HSD17B13: variants seen among roughly 807,000 people sequenced by gnomAD.
HSD17B13 encodes the protein hydroxysteroid 17-beta dehydrogenase 13.
Under a neutral mutation model 31.1 loss-of-function variants are expected in HSD17B13, and 26 were observed. The ratio of observed to expected loss-of-function variants is 0.84; its 90% CI spans 0.61 to 1.16. The LOEUF is 1.16. HSD17B13 is among the 50% of genes most tolerant of loss of function. The probability of loss-of-function intolerance (pLI) is 0.00; values close to 1 mark genes in which losing one functional copy is unlikely to be tolerated. For synonymous variants in HSD17B13, 141 were observed against 133.7 expected (o/e 1.05, Z -0.38); for missense variants, 374 against 366.5 (o/e 1.02, Z -0.17).
chr4:87,318,462 G>T (rs903867235), intron 1 of HSD17B13, 26 bp from the exon 2 acceptor site: 2 of 1,587,904 alleles, frequency 1.3e-6, no homozygotes, highest in African/African-American at 2.7e-5. Context: ...AACAAATTCC[G>T]AAAAAAGTGG....
chr4:87,308,479 C>G (rs966060382), intron 6 of HSD17B13, among the ~76,000 whole-genome samples: 1 of 95,564 alleles, frequency 1.0e-5, no homozygotes, highest in Non-Finnish European at 2.1e-5. Context: ...GAAACCCCGT[C>G]TCTACTAAAA....
chr4:87,311,784 GATT>G (rs1201020904), intron 5 of HSD17B13, among the ~76,000 whole-genome samples: 1 of 152,172 alleles, frequency 6.6e-6, no homozygotes, highest in East Asian at 1.9e-4. Context: ...GTTTGCTGCA[GATT>G]ATTATGTGAT....
At position 87,322,740 on chromosome 4, in the gene HSD17B13, C is replaced by T; in HGVS notation, c.102G>A (p.Val34=). 3 of 1,614,042 alleles carry T rather than the reference C, an allele frequency of 1.9e-6. No individual in the cohort carries two copies. Among genetic ancestry groups the T allele is most frequent in the Non-Finnish European group, 2.5e-6 (3 of 1,179,924 alleles). ...CAGTAATGAGAACAATCTCCCCAGC[C>T]ACAGATTTTCTCCTCTGAGGAATGA... is the stretch of plus-strand genomic sequence containing the variant. The part of the protein sequence containing the change: ...KFFIPQRRKS[V]AGEIVLITGA... The change falls in exon 1 of 7, where the codon GTG becomes GTA. Residue 34 remains valine (V), a synonymous_variant. Transcript: ENST00000328546.
chr4:87,320,706 T>A (rs746187813), intron 1 of HSD17B13, among the ~76,000 whole-genome samples: 1 of 152,160 alleles, frequency 6.6e-6, no homozygotes, highest in Non-Finnish European at 1.5e-5. Flanking sequence ...GTTTTATAAC[T>A]GAGCTAGACA....
At chr4:87,321,411 T>G (rs973942467) in intron 1 of HSD17B13, among the ~76,000 whole-genome samples, 1 of 152,190 alleles carries the variant, frequency 6.6e-6, no homozygotes, top group Non-Finnish European at 1.5e-5. Context: ...AAAAACTTAA[T>G]AAATATAGCC....
chr4:87,313,827 T>C lies in HSD17B13; in HGVS notation c.691A>G (p.Thr231Ala), dbSNP rs1392509189. The C allele has an allele frequency of 6.2e-7, 1 of 1,611,454 alleles. No individual in the cohort carries two copies. The highest frequency in any genetic ancestry group is 8.5e-7 in the Non-Finnish European group (1 of 1,178,862). ...VNTGFTKNPS[T>A]RLWPVLETDE... ...CTAACTTGATTTTGACCTTACCTTG[T>C]GCTTGGATTTTTGGTGAACCCAGTA... is the stretch of plus-strand genomic sequence containing the variant. The change falls in exon 5 of 7, where the codon ACA becomes GCA. Residue 231 changes from threonine (T) to alanine (A), a missense_variant. Thr to Ala is a moderately conservative substitution (Grantham distance 58). Transcript: ENST00000328546.
chr4:87,322,224 G>A (rs1734803991), intron 1 of HSD17B13, among the ~76,000 whole-genome samples: 2 of 152,204 alleles, frequency 1.3e-5, no homozygotes. Context: ...GCTTGTGCAT[G>A]AGGGGAGGCA....
intron 5 of HSD17B13, 109 bp from the exon 6 acceptor site, chr4:87,310,468 A>T: frequency 8.5e-7 from 1 of 1,178,536 alleles, no homozygotes; most frequent in Non-Finnish European, 1.1e-6. Context: ...TAGAATGAAG[A>T]TTTAAAATAT....
At chr4:87,305,837 C>A (rs988612726) in intron 6 of HSD17B13, among the ~76,000 whole-genome samples, 1 of 152,112 alleles carries the variant, frequency 6.6e-6, no homozygotes, top group Non-Finnish European at 1.5e-5. Context: ...GCATTTGAAG[C>A]TGGAAGAAAG....
At chr4:87,308,127 A>G (rs1206760475) in intron 6 of HSD17B13, among the ~76,000 whole-genome samples, 3 of 152,322 alleles carry the variant, frequency 2.0e-5, no homozygotes, top group Middle Eastern at 3.4e-3. Flanking sequence ...CTAAGACTTT[A>G]ACATTTGAAG....
In HSD17B13 at chr4:87,313,927, T is replaced by G; in HGVS notation, c.591A>C (p.Arg197Ser). 6.3e-7 allele frequency: 1 copy of G among 1,595,242 alleles called. No individual in the cohort carries two copies. Among genetic ancestry groups the G allele is most frequent in the Non-Finnish European group, 8.5e-7 (1 of 1,173,056 alleles). The change falls in exon 5 of 7, where the codon AGA becomes AGC. Residue 197 changes from arginine to serine, a missense_variant. By Grantham distance (110) the Arg-to-Ser change is moderately radical. Transcript: ENST00000328546. ...AGGCCTGAAGTTCTGATGTCAGACC[T>G]CTGTGAAAGCCAACAGCGGCAAATT... is the stretch of plus-strand genomic sequence containing the variant. The part of the protein sequence containing the change: ...SSKFAAVGFH[R>S]GLTSELQALG...
intron 5 of HSD17B13, among the ~76,000 whole-genome samples, chr4:87,312,614 C>G (rs1734556071): frequency 6.8e-6 from 1 of 148,096 alleles, no homozygotes; most frequent in South Asian, 2.1e-4. Context: ...ACTGCAAGCT[C>G]CGCCTCCCGG....
At chr4:87,317,745 A>G (rs759674861) in intron 2 of HSD17B13, among the ~76,000 whole-genome samples, 3 of 151,742 alleles carry the variant, frequency 2.0e-5, no homozygotes, top group Non-Finnish European at 2.9e-5. Context: ...TTCATAACCT[A>G]ATAACTACAT....
intron 4 of HSD17B13, among the ~76,000 whole-genome samples, chr4:87,314,237 A>C (rs1253248544): frequency 6.6e-6 from 1 of 151,994 alleles, no homozygotes; most frequent in Non-Finnish European, 1.5e-5. Flanking sequence ...CCTACATGTA[A>C]GGTTTTTCCA....
chr4:87,320,905 C>T (rs999193052), intron 1 of HSD17B13, among the ~76,000 whole-genome samples: 13 of 152,176 alleles, frequency 8.5e-5, no homozygotes, highest in African/African-American at 3.1e-4. Context: ...GCATCTTCCT[C>T]GCCTAAAGGA....
At chr4:87,306,266 G>T (rs1037308716) in intron 6 of HSD17B13, among the ~76,000 whole-genome samples, 3 of 152,150 alleles carry the variant, frequency 2.0e-5, no homozygotes, top group African/African-American at 7.2e-5. Flanking sequence ...CTGAAGGTCT[G>T]AGCTCATTGC....
At chr4:87,319,617 C>T (rs1174650357) in intron 1 of HSD17B13, among the ~76,000 whole-genome samples, 3 of 152,106 alleles carry the variant, frequency 2.0e-5, no homozygotes, top group Non-Finnish European at 4.4e-5. Flanking sequence ...GACTCATCCT[C>T]CTAGGAGGGA....
chr4:87,318,427 C>G lies in HSD17B13; in HGVS notation c.220G>C (p.Glu74Gln), dbSNP rs1354150048. The G allele has an allele frequency of 6.2e-7, 1 of 1,613,848 alleles. No homozygotes were observed. The highest frequency in any genetic ancestry group is 1.7e-5 in the Admixed American group (1 of 60,024). ...TTTCGGCACTCAGCTGCAGTTTCCT[C>G]CACACCGCGCTGTAATTAGGAAGAA... is the stretch of plus-strand genomic sequence containing the variant. ...VLWDINKRGV[E>Q]ETAAECRKLG... The change falls in exon 2 of 7, where the codon GAG (glutamate) becomes CAG (glutamine). Residue 74 changes from glutamate to glutamine, a missense_variant. By Grantham distance (29) the Glu-to-Gln change is conservative. Transcript: ENST00000328546.
intron 4 of HSD17B13, among the ~76,000 whole-genome samples, chr4:87,314,651 A>ATTT (rs1734608302): frequency 6.6e-6 from 1 of 151,624 alleles, no homozygotes; most frequent in African/African-American, 2.4e-5. Flanking sequence ...TCACACACAC[A>ATTT]CACACACACA....
Sources: allele counts gnomAD v4.1 joint callset (sites outside exome capture counted in the v4.1 genomes callset), GRCh38; gene constraint gnomAD v4.1.1; transcripts MANE v1.5; gene names NCBI Gene and HGNC (gene_info 2026-07-23, HGNC 2026-07-21).